SGCZ: variants seen among roughly 807,000 people sequenced by gnomAD.
The protein encoded by SGCZ is zeta-sarcoglycan.
SGCZ carries 40 observed loss-of-function variants against 41.3 expected under a neutral mutation model. The observed-to-expected ratio is 0.97, with a 90% CI of 0.75 to 1.26. The LOEUF (loss-of-function observed/expected upper bound fraction) is 1.26, where lower values mean the gene tolerates loss of function less well. Ranked by LOEUF, SGCZ falls within the 50% of genes most tolerant of loss-of-function variation. SGCZ has a pLI of 0.00. For missense variants in SGCZ, 552 were observed against 369.8 expected (o/e 1.49, Z -4.04); for synonymous variants, 206 against 137.5 (o/e 1.50, Z -3.49).
intron 5 of SGCZ, among the ~76,000 whole-genome samples, chr8:14,136,048 T>G (rs1803187063): frequency 6.6e-6 from 1 of 152,126 alleles, no homozygotes; most frequent in Admixed American, 6.5e-5. Context: ...AGACCAATAT[T>G]GCACATATAA....
chr8:14,908,149 G>C (rs182079121), intron 1 of SGCZ, among the ~76,000 whole-genome samples: 115 of 152,232 alleles, frequency 7.6e-4, no homozygotes, highest in African/African-American at 2.6e-3. Flanking sequence ...CTGTCTCTTT[G>C]ATGAGTTGAT....
intron 1 of SGCZ, among the ~76,000 whole-genome samples, chr8:15,134,790 G>C (rs1808047446): frequency 6.6e-6 from 1 of 152,182 alleles, no homozygotes; most frequent in South Asian, 2.1e-4. Context: ...TTGGAAAACT[G>C]TGTAACAGAA....
chr8:14,995,256 A>C (rs567202311), intron 1 of SGCZ, among the ~76,000 whole-genome samples: 1 of 152,382 alleles, frequency 6.6e-6, no homozygotes, highest in East Asian at 1.9e-4. Context: ...ATGGATTAGA[A>C]GTATGGGAGA....
At chr8:14,516,659 A>T (rs1202977096) in intron 2 of SGCZ, among the ~76,000 whole-genome samples, 1 of 152,042 alleles carries the variant, frequency 6.6e-6, no homozygotes, top group Non-Finnish European at 1.5e-5. Context: ...AGCATCCCAT[A>T]AAGTTGATTT....
chr8:14,621,237 T>C (rs1021824289), intron 1 of SGCZ, among the ~76,000 whole-genome samples: 2 of 129,988 alleles, frequency 1.5e-5, no homozygotes, highest in Non-Finnish European at 3.1e-5. Context: ...AATTGAACAA[T>C]GAGAACACTT....
At chr8:15,141,836 G>C (rs1221796951) in intron 1 of SGCZ, among the ~76,000 whole-genome samples, 1 of 151,808 alleles carries the variant, frequency 6.6e-6, no homozygotes, top group Non-Finnish European at 1.5e-5. Context: ...AGGAAGCGGA[G>C]ATTGCAGTGA....
chr8:14,449,100 C>T (rs935195734), intron 2 of SGCZ, among the ~76,000 whole-genome samples: 10 of 152,162 alleles, frequency 6.6e-5, no homozygotes, highest in Admixed American at 5.9e-4. Flanking sequence ...CAGCAAGTCC[C>T]TGCAGCCCAG....
intron 1 of SGCZ, among the ~76,000 whole-genome samples, chr8:15,121,622 A>G (rs1807480899): frequency 6.6e-6 from 1 of 152,188 alleles, no homozygotes; most frequent in Non-Finnish European, 1.5e-5. Context: ...AAGAAACAGA[A>G]AAGAAATGCA....
intron 3 of SGCZ, among the ~76,000 whole-genome samples, chr8:14,284,436 T>G (rs1212916651): frequency 6.6e-6 from 1 of 152,226 alleles, no homozygotes; most frequent in East Asian, 1.9e-4. Flanking sequence ...TAGTATAGGT[T>G]TACTAATCTA....
rs73666951 is a variant in SGCZ, at chr8:14,959,528, G to A, written c.39+278057C>T. On this transcript the variant is annotated intron_variant, in intron 1 of 7. Transcript: ENST00000382080. ...ACTTTGTTTTAAAATATACAAAACA[G>A]CTGAATGAATCATTTAACAATAGCT... Among the ~76,000 whole-genome samples the A allele has an allele frequency of 4.7e-3, 719 of 152,194 alleles. 10 individuals carry two copies. Among genetic ancestry groups the A allele is most frequent in the African/African-American group, 0.016 (663 of 41,554 alleles).
intron 1 of SGCZ, among the ~76,000 whole-genome samples, chr8:14,614,998 A>ATG (rs34548828): frequency 1.3e-4 from 19 of 147,530 alleles, no homozygotes; most frequent in South Asian, 4.2e-4. Context: ...GTGTGTATAT[A>ATG]TGTGTGTGTG....
intron 4 of SGCZ, among the ~76,000 whole-genome samples, chr8:14,217,513 G>A (rs895001434): frequency 4.6e-5 from 7 of 151,156 alleles, no homozygotes; most frequent in Non-Finnish European, 5.9e-5. Context: ...GGCACTTCCC[G>A]TGAATCAATA....
chr8:14,202,711 A>C (rs1302256386), intron 4 of SGCZ, among the ~76,000 whole-genome samples: 3 of 152,246 alleles, frequency 2.0e-5, no homozygotes, highest in East Asian at 1.9e-4. Flanking sequence ...TATAGAAGTT[A>C]AATTGAATTC....
At chr8:14,950,759 A>G (rs28366822) in intron 1 of SGCZ, among the ~76,000 whole-genome samples, 3,165 of 152,174 alleles carry the variant, frequency 0.021, 41 homozygotes, top group Middle Eastern at 0.031. Context: ...TGAATGCATG[A>G]GGATACGTAG....
chr8:15,012,155 G>A (rs959746103), intron 1 of SGCZ, among the ~76,000 whole-genome samples: 1 of 152,024 alleles, frequency 6.6e-6, no homozygotes, highest in African/African-American at 2.4e-5. Flanking sequence ...AATCCAACAG[G>A]TGAAGGTATA....
In SGCZ at chr8:14,187,591, T is replaced by C. The variant is rs986230671; in HGVS notation, c.425-22889A>G. On this transcript the variant is annotated intron_variant, in intron 4 of 7. Coordinates refer to ENST00000382080, the MANE Select transcript of SGCZ (RefSeq NM_139167.4). ...TACTGATTGAAAAAAATCACTAAAG[T>C]GTTCCACAGTAGATTTAAACTGGAA... 2.0e-5 allele frequency among the ~76,000 whole-genome samples: 3 copies of C among 151,486 alleles called. No homozygotes were observed. The South Asian group carries it at 6.2e-4, about 32-fold the overall frequency.
intron 2 of SGCZ, among the ~76,000 whole-genome samples, chr8:14,424,562 T>C (rs981018113): frequency 1.3e-5 from 2 of 152,208 alleles, no homozygotes; most frequent in African/African-American, 4.8e-5. Flanking sequence ...ATGTACATTA[T>C]GTGTTTGGAA....
chr8:14,153,227 C>A (rs1367384315), intron 5 of SGCZ, among the ~76,000 whole-genome samples: 1 of 152,190 alleles, frequency 6.6e-6, no homozygotes, highest in Non-Finnish European at 1.5e-5. Context: ...ACACTGATAA[C>A]TGTCTCAAAA....
chr8:15,179,873 T>C (rs1800115232), intron 1 of SGCZ, among the ~76,000 whole-genome samples: 1 of 152,140 alleles, frequency 6.6e-6, no homozygotes. Context: ...GAAGAAGATA[T>C]AAGCTAAACT....
Sources: allele counts gnomAD v4.1 joint callset (sites outside exome capture counted in the v4.1 genomes callset), GRCh38; gene constraint gnomAD v4.1.1; transcripts MANE v1.5; gene names NCBI Gene and HGNC (gene_info 2026-07-23, HGNC 2026-07-21).